The following ANKS1B variants were observed in gnomAD, a reference collection of about 807,000 sequenced individuals.
ANKS1B encodes ankyrin repeat and sterile alpha motif domain-containing protein 1B.
Under a neutral mutation model 148.3 loss-of-function variants are expected in ANKS1B, and 36 were observed. That is an observed-to-expected ratio of 0.24 (90% confidence interval 0.19 to 0.32). ANKS1B has a LOEUF of 0.32. ANKS1B is among the 10% of genes least tolerant of loss of function. The pLI is 1.00. For synonymous variants in ANKS1B, 542 were observed against 560.8 expected (o/e 0.97, Z 0.47); for missense variants, 1,157 against 1,542.6 (o/e 0.75, Z 4.19).
intron 8 of ANKS1B, among the ~76,000 whole-genome samples, chr12:99,693,248 A>T (rs2053394100): frequency 1.3e-5 from 2 of 152,250 alleles, no homozygotes; most frequent in Admixed American, 1.3e-4. Context: ...ATTAGGTCAG[A>T]GAAGTGATCA....
chr12:99,180,436 T>A (rs1289394979), intron 14 of ANKS1B, among the ~76,000 whole-genome samples: 1 of 152,096 alleles, frequency 6.6e-6, no homozygotes, highest in African/African-American at 2.4e-5. Context: ...AGACATGTAA[T>A]TTTTGCTTCA....
At chr12:99,695,249 A>C (rs959487151) in intron 8 of ANKS1B, among the ~76,000 whole-genome samples, 1 of 152,244 alleles carries the variant, frequency 6.6e-6, no homozygotes, top group African/African-American at 2.4e-5. Flanking sequence ...TGATGTGGTC[A>C]AAGTGTTATG....
intron 1 of ANKS1B, among the ~76,000 whole-genome samples, chr12:99,966,448 A>T (rs893952015): frequency 6.6e-6 from 1 of 152,232 alleles, no homozygotes; most frequent in Non-Finnish European, 1.5e-5. Flanking sequence ...ACCTCCAAAC[A>T]TTAAAGAATT....
intron 8 of ANKS1B, among the ~76,000 whole-genome samples, chr12:99,705,572 A>G (rs1285756760): frequency 6.6e-6 from 1 of 152,158 alleles, no homozygotes; most frequent in Non-Finnish European, 1.5e-5. Context: ...TTTATTCTCA[A>G]CACTAGAATT....
At chr12:98,940,734 T>G (rs2099835401) in intron 17 of ANKS1B, among the ~76,000 whole-genome samples, 1 of 152,266 alleles carries the variant, frequency 6.6e-6, no homozygotes, top group Admixed American at 6.5e-5. Flanking sequence ...AGGCAACAAA[T>G]GAATCAATGA....
chr12:99,077,365 C>A (rs184315566), intron 16 of ANKS1B, among the ~76,000 whole-genome samples: 1 of 152,152 alleles, frequency 6.6e-6, no homozygotes, highest in Non-Finnish European at 1.5e-5. Flanking sequence ...AAAAGAAATG[C>A]AAGTGAAAAG....
chr12:99,645,916 A>G (rs1367828694), intron 9 of ANKS1B, among the ~76,000 whole-genome samples: 1 of 152,112 alleles, frequency 6.6e-6, no homozygotes, highest in Non-Finnish European at 1.5e-5. Flanking sequence ...TATAGGCTCT[A>G]TAAGTAATGT....
At chr12:99,360,748 T>C (rs887728053) in intron 12 of ANKS1B, among the ~76,000 whole-genome samples, 1 of 152,162 alleles carries the variant, frequency 6.6e-6, no homozygotes, top group Non-Finnish European at 1.5e-5. Context: ...CTGAACCTAG[T>C]CTGAGCCACT....
chr12:99,909,217 CGTGTGTGTGT>C (rs60264932), intron 1 of ANKS1B, among the ~76,000 whole-genome samples: 7,407 of 137,236 alleles, frequency 0.054, 214 homozygotes, highest in Middle Eastern at 0.07. Flanking sequence ...AATATTCCAT[CGTGTGTGTGT>C]GTGTGTGTGT....
chr12:99,605,317 ATTTG>A (rs2153314849), intron 9 of ANKS1B, among the ~76,000 whole-genome samples: 2 of 152,206 alleles, frequency 1.3e-5, no homozygotes, highest in South Asian at 4.2e-4. Context: ...GATACTTATC[ATTTG>A]TTTGCAGTGA....
chr12:99,611,893 T>G (rs1197299316), intron 9 of ANKS1B, among the ~76,000 whole-genome samples: 1 of 152,080 alleles, frequency 6.6e-6, no homozygotes, highest in Non-Finnish European at 1.5e-5. Flanking sequence ...AGAAATTCAT[T>G]TTATAACTCC....
chr12:98,895,077 G>C lies in ANKS1B; in HGVS notation c.2779-62941C>G, dbSNP rs1046573311. ...CTCCATTGTTCCGCGGCTGCTGCCC[G>C]GGGTGGGCGGCGAGGCGGGGGGGAG... On this transcript the variant is annotated intron_variant, in intron 17 of 26. Coordinates refer to ENST00000683438, the MANE Select transcript of ANKS1B (RefSeq NM_001352186.2). The C allele has an allele frequency of 4.7e-4, 457 of 967,956 alleles. 7 individuals carry two copies. Among genetic ancestry groups the C allele is most frequent in the Admixed American group, 1.1e-3 (18 of 16,164 alleles). 60.0% of individuals were successfully genotyped at this position (967,956 alleles called of 1,614,324 possible).
At chr12:98,803,062 G>T (rs928105711) in intron 20 of ANKS1B, among the ~76,000 whole-genome samples, 8 of 152,070 alleles carry the variant, frequency 5.3e-5, no homozygotes, top group African/African-American at 1.9e-4. Context: ...ATAACTGACT[G>T]CAATTCTAAA....
At chr12:99,109,056 C>T (rs950316799) in intron 15 of ANKS1B, among the ~76,000 whole-genome samples, 14 of 152,254 alleles carry the variant, frequency 9.2e-5, no homozygotes, top group Middle Eastern at 3.4e-3. Flanking sequence ...GATGGTCCAT[C>T]TTCAGCTTCT....
At chr12:99,221,601 T>C (rs1219189202) in intron 14 of ANKS1B, among the ~76,000 whole-genome samples, 1 of 152,164 alleles carries the variant, frequency 6.6e-6, no homozygotes, top group Non-Finnish European at 1.5e-5. Flanking sequence ...AAAAGCTCAA[T>C]TTTATTCATA....
intron 17 of ANKS1B, among the ~76,000 whole-genome samples, chr12:98,849,524 T>A (rs897029971): frequency 6.6e-6 from 1 of 152,198 alleles, no homozygotes; most frequent in African/African-American, 2.4e-5. Context: ...AGCACTTGAA[T>A]CTTACATAAG....
At chr12:99,235,633 G>A (rs770628484) in intron 14 of ANKS1B, among the ~76,000 whole-genome samples, 5 of 152,152 alleles carry the variant, frequency 3.3e-5, no homozygotes, top group Non-Finnish European at 7.3e-5. Context: ...GAGAGAACTG[G>A]CTACATAGTC....
intron 8 of ANKS1B, among the ~76,000 whole-genome samples, chr12:99,663,486 T>C (rs2098488318): frequency 6.6e-6 from 1 of 150,604 alleles, no homozygotes; most frequent in Admixed American, 6.6e-5. Flanking sequence ...TCCATGTTAG[T>C]AAAATTCACA....
At chr12:99,539,374 G>C (rs2097103689) in intron 9 of ANKS1B, among the ~76,000 whole-genome samples, 1 of 152,026 alleles carries the variant, frequency 6.6e-6, no homozygotes, top group Admixed American at 6.6e-5. Context: ...AAATATTGGG[G>C]CAAAGTTTTT....
Sources: allele counts gnomAD v4.1 joint callset (sites outside exome capture counted in the v4.1 genomes callset), GRCh38; gene constraint gnomAD v4.1.1; transcripts MANE v1.5; gene names NCBI Gene and HGNC (gene_info 2026-07-23, HGNC 2026-07-21).